Variants in PLCH1 observed in about 807,000 individuals in gnomAD.
The protein encoded by PLCH1 is 1-phosphatidylinositol 4,5-bisphosphate phosphodiesterase eta-1.
A neutral mutation model predicts 126.7 loss-of-function variants in PLCH1; 60 were observed. The observed-to-expected ratio is 0.47, with a 90% CI of 0.38 to 0.59. The LOEUF is 0.59. Ranked by LOEUF, PLCH1 falls within the 20% of genes least tolerant of loss-of-function variation. The pLI is 0.00. For synonymous variants in PLCH1, 719 were observed against 734.9 expected (o/e 0.98, Z 0.35); for missense variants, 1,723 against 2,040.0 (o/e 0.84, Z 2.99).
intron 2 of PLCH1, among the ~76,000 whole-genome samples, chr3:155,663,393 C>A (rs556658208): frequency 6.6e-6 from 1 of 151,846 alleles, no homozygotes; most frequent in South Asian, 2.1e-4. Context: ...AGAAGCAAAT[C>A]CTGACCTAAT....
chr3:155,563,093 C>T (rs902370002), intron 8 of PLCH1, among the ~76,000 whole-genome samples: 1 of 152,200 alleles, frequency 6.6e-6, no homozygotes, highest in Non-Finnish European at 1.5e-5. Flanking sequence ...GATCCAAGTA[C>T]TCCTGTTCTC....
At chr3:155,573,052 A>G (rs1306735986) in intron 6 of PLCH1, among the ~76,000 whole-genome samples, 2 of 152,166 alleles carry the variant, frequency 1.3e-5, no homozygotes, top group Admixed American at 1.3e-4. Flanking sequence ...CCAATCTGTC[A>G]TAGCATCTTG....
At chr3:155,731,400 A>C (rs1748761465) in intron 1 of PLCH1, among the ~76,000 whole-genome samples, 1 of 152,132 alleles carries the variant, frequency 6.6e-6, no homozygotes, top group Non-Finnish European at 1.5e-5. Flanking sequence ...CAGCAGGCTA[A>C]CCCTCATGGA....
intron 21 of PLCH1, among the ~76,000 whole-genome samples, chr3:155,464,618 AC>A (rs1291441811): frequency 6.6e-6 from 1 of 152,100 alleles, no homozygotes; most frequent in Non-Finnish European, 1.5e-5. Context: ...CTTGATTGAG[AC>A]CTCACTTGTG....
intron 11 of PLCH1, among the ~76,000 whole-genome samples, chr3:155,523,638 A>T (rs2108293567): frequency 6.6e-6 from 1 of 152,356 alleles, no homozygotes; most frequent in South Asian, 2.1e-4. Context: ...AATTTGTAAT[A>T]GGAAATTTAT....
chr3:155,698,153 A>C (rs932769511), intron 2 of PLCH1, among the ~76,000 whole-genome samples: 1 of 152,242 alleles, frequency 6.6e-6, no homozygotes, highest in Non-Finnish European at 1.5e-5. Context: ...AATGGGACAA[A>C]GTATTTTCTG....
At chr3:155,670,209 A>G (rs569181667) in intron 2 of PLCH1, among the ~76,000 whole-genome samples, 6 of 152,342 alleles carry the variant, frequency 3.9e-5, no homozygotes, top group African/African-American at 1.2e-4. Flanking sequence ...GCAAAGAGAA[A>G]TTATAAAAGA....
intron 9 of PLCH1, 49 bp from the exon 10 acceptor site, chr3:155,550,007 C>T (rs1725897931): frequency 2.1e-6 from 3 of 1,420,310 alleles, no homozygotes; most frequent in Non-Finnish European, 1.9e-6. Flanking sequence ...AGGCAACTCA[C>T]AGGGACTTTT....
rs560434028 is a variant in PLCH1 at position 155,491,055 on chromosome 3, A to C, written c.2308-187T>G. On this transcript the variant is annotated intron_variant, in intron 18 of 22. Transcript: ENST00000460012. ...TATGAGACAAGTATAAAAAATATTA[A>C]ATTACTGTTTGCTAGTATTTATTAA... 3.3e-5 allele frequency among the ~76,000 whole-genome samples: 5 copies of C among 152,294 alleles called. No homozygotes were observed. In the East Asian group the frequency reaches 9.6e-4, roughly 29 times the overall value.
Position 155,654,856 on chromosome 3 carries a change from T to C in PLCH1, c.79+49290A>G, listed in dbSNP as rs552974915. On this transcript the variant is annotated intron_variant, in intron 2 of 22. Coordinates refer to ENST00000460012, the MANE Select transcript of PLCH1 (RefSeq NM_014996.4). ...CTTAATATTTTGCAATGGCTTCCAA[T>C]TACCCTTAGGAAAAACTCTAAATCC... is the stretch of plus-strand genomic sequence containing the variant. 2.0e-5 allele frequency among the ~76,000 whole-genome samples: 3 copies of C among 152,276 alleles called. No homozygotes were observed. In the South Asian group the frequency reaches 6.2e-4, roughly 32 times the overall value.
chr3:155,736,802 G>A (rs1325554383), intron 1 of PLCH1, among the ~76,000 whole-genome samples: 1 of 152,106 alleles, frequency 6.6e-6, no homozygotes, highest in African/African-American at 2.4e-5. Context: ...ATTTCTACCA[G>A]TTAGGAGCTA....
intron 6 of PLCH1, among the ~76,000 whole-genome samples, chr3:155,570,458 G>A (rs1464791686): frequency 6.6e-6 from 1 of 152,118 alleles, no homozygotes; most frequent in Non-Finnish European, 1.5e-5. Flanking sequence ...CTCCAATACT[G>A]AATATTGTTC....
At chr3:155,684,878 T>A (rs1411926408) in intron 2 of PLCH1, among the ~76,000 whole-genome samples, 7 of 152,218 alleles carry the variant, frequency 4.6e-5, no homozygotes, top group African/African-American at 1.7e-4. Context: ...TTTTGCAGTG[T>A]CTCCTTACCT....
chr3:155,472,217 T>C (rs1156325798), intron 21 of PLCH1, among the ~76,000 whole-genome samples: 5 of 151,450 alleles, frequency 3.3e-5, no homozygotes, highest in South Asian at 2.1e-4. Flanking sequence ...AAGAATCAAA[T>C]AGACACAATA....
intron 1 of PLCH1, among the ~76,000 whole-genome samples, chr3:155,712,876 A>T (rs1382839927): frequency 6.6e-6 from 1 of 151,356 alleles, no homozygotes; most frequent in Non-Finnish European, 1.5e-5. Context: ...ACCAGAGCCC[A>T]ATCTCCTTCA....
chr3:155,549,419 A>G (rs1265728796), intron 10 of PLCH1, among the ~76,000 whole-genome samples: 2 of 152,198 alleles, frequency 1.3e-5, no homozygotes, highest in South Asian at 2.1e-4. Flanking sequence ...AATGGGAGAA[A>G]AAGTCTGAAA....
chr3:155,660,771 T>C (rs890371495), intron 2 of PLCH1, among the ~76,000 whole-genome samples: 1 of 152,294 alleles, frequency 6.6e-6, no homozygotes, highest in Non-Finnish European at 1.5e-5. Context: ...TGCCCCTTTT[T>C]TAAAAAAGAA....
intron 1 of PLCH1, among the ~76,000 whole-genome samples, chr3:155,725,433 A>G (rs1295948067): frequency 6.8e-6 from 1 of 146,750 alleles, no homozygotes; most frequent in African/African-American, 2.5e-5. Flanking sequence ...AACATTCTGT[A>G]TCCTTATATT....
Position 155,464,014 on chromosome 3 carries a change from T to C in PLCH1, c.2938+21342A>G, listed in dbSNP as rs77873591. On this transcript the variant is annotated intron_variant, in intron 21 of 21. Transcript: ENST00000494598. Reference sequence around the variant, plus strand: ...AAGGGACAAGGCATGGTCATGCCCTTAGGGAAGTCTAGGTCTAGTGGAGAA... The same window carrying C: ...AAGGGACAAGGCATGGTCATGCCCTCAGGGAAGTCTAGGTCTAGTGGAGAA... 1.6e-3 allele frequency among the ~76,000 whole-genome samples: 246 copies of C among 152,274 alleles called. 1 individual carries two copies. Among genetic ancestry groups the C allele is most frequent in the African/African-American group, 5.4e-3 (224 of 41,562 alleles).
Sources: allele counts gnomAD v4.1 joint callset (sites outside exome capture counted in the v4.1 genomes callset), GRCh38; gene constraint gnomAD v4.1.1; transcripts MANE v1.5; gene names NCBI Gene and HGNC (gene_info 2026-07-23, HGNC 2026-07-21).